Variants in DOCK3 observed in about 807,000 individuals in gnomAD.
DOCK3 encodes the protein dedicator of cytokinesis protein 3.
Under a neutral mutation model 265.6 loss-of-function variants are expected in DOCK3, and 60 were observed. That is an observed-to-expected ratio of 0.23 (90% CI 0.18 to 0.28). DOCK3 has a LOEUF of 0.28. Among genes scored for constraint, DOCK3 ranks in the 10% least tolerant of loss-of-function variants. DOCK3 has a pLI of 1.00. For missense variants in DOCK3, 1,981 were observed against 2,594.3 expected, an observed-to-expected ratio of 0.76 and a Z score of 5.14; for synonymous variants, 881 against 938.0, an observed-to-expected ratio of 0.94 and a Z score of 1.11.
intron 2 of DOCK3, among the ~76,000 whole-genome samples, chr3:50,804,657 C>A (rs1374797386): frequency 6.6e-6 from 1 of 151,814 alleles, no homozygotes; most frequent in Non-Finnish European, 1.5e-5. Flanking sequence ...GAGAATCAGG[C>A]AGGGAGGTTG....
chr3:51,053,918 A>G (rs971110459), intron 5 of DOCK3, among the ~76,000 whole-genome samples: 7 of 151,962 alleles, frequency 4.6e-5, no homozygotes, highest in South Asian at 2.1e-4. Context: ...AAATCTGACT[A>G]TGTTCAAGCA....
In DOCK3 at chr3:50,817,615, A is replaced by G. The variant is rs565103236; in HGVS notation, c.122-24060A>G. On this transcript the variant is annotated intron_variant, in intron 2 of 52. Transcript: ENST00000266037. Reference sequence around the variant, plus strand: ...CCTGACCATATTTTCATTTTCTAAGAGCATTTTCTCACTATCTAAACGTTA... The same window carrying G: ...CCTGACCATATTTTCATTTTCTAAGGGCATTTTCTCACTATCTAAACGTTA... Among the ~76,000 whole-genome samples, 72 of 152,144 alleles carry G rather than the reference A, an allele frequency of 4.7e-4. 2 individuals are homozygous for G. In the South Asian group the frequency reaches 0.015, roughly 31 times the overall value.
intron 5 of DOCK3, among the ~76,000 whole-genome samples, chr3:50,936,373 C>CAA (rs200728402): frequency 2.1e-5 from 3 of 141,616 alleles, no homozygotes; most frequent in Non-Finnish European, 3.1e-5. Flanking sequence ...GATGTGGAGC[C>CAA]AAAAAAAAAT....
rs918920638 is a variant in DOCK3 at position 51,016,666 on chromosome 3, A to G, written c.316-47782A>G. ...ATATTTATATGTTTATATATATTAT[A>G]TGATATATATTTATATATCATATAA... On this transcript the variant is annotated intron_variant, in intron 5 of 52. Transcript: ENST00000266037. 4.2e-5 allele frequency among the ~76,000 whole-genome samples: 4 copies of G among 94,758 alleles called. No individual in the cohort carries two copies. In the South Asian group the frequency reaches 9.0e-4, roughly 21 times the overall value. 62.2% of individuals were successfully genotyped at this position (94,758 alleles called of 152,430 possible). A position where few individuals can be genotyped will look rare whatever the true frequency, so the allele number is the denominator to read the frequency against.
At chr3:51,246,864 A>G (rs538434030) in intron 22 of DOCK3, 57 bp downstream of exon 22, 2 of 1,516,824 alleles carry the variant, frequency 1.3e-6, no homozygotes, top group Non-Finnish European at 1.8e-6. Context: ...ATTTGTGAGT[A>G]ATCTCAGTGA....
chr3:50,905,518 G>C (rs141005318), intron 4 of DOCK3, among the ~76,000 whole-genome samples: 14,363 of 151,982 alleles, frequency 0.095, 851 homozygotes, highest in Non-Finnish European at 0.12. Context: ...TATTCTCTTT[G>C]AAGCAATTGT....
intron 3 of DOCK3, among the ~76,000 whole-genome samples, chr3:50,883,280 T>C (rs1308594649): frequency 6.6e-6 from 1 of 151,792 alleles, no homozygotes; most frequent in Non-Finnish European, 1.5e-5. Context: ...AAAAAGGCCA[T>C]TTTGCTAGAT....
chr3:51,243,649 C>T (rs890116241), intron 21 of DOCK3, among the ~76,000 whole-genome samples: 5 of 152,044 alleles, frequency 3.3e-5, no homozygotes, highest in African/African-American at 9.7e-5. Context: ...ATATTTTTCC[C>T]AGTCACTTGG....
intron 5 of DOCK3, among the ~76,000 whole-genome samples, chr3:51,026,623 T>C (rs976587666): frequency 2.0e-5 from 3 of 152,112 alleles, no homozygotes; most frequent in Non-Finnish European, 4.4e-5. Context: ...AAGGCTTTTG[T>C]TGGTTGCTAG....
Position 50,691,343 on chromosome 3 carries a change from A to T in DOCK3, c.37+16043A>T, listed in dbSNP as rs576771671. On this transcript the variant is annotated intron_variant, in intron 1 of 52. Coordinates refer to ENST00000266037, the MANE Select transcript of DOCK3 (RefSeq NM_004947.5). ...TGTCCTTTTGTGTCTGGCATATTTC[A>T]CTTAGCATGAGGTCTTCAGGGTTTA... Among the ~76,000 whole-genome samples, 8 of 151,350 alleles carry T rather than the reference A, an allele frequency of 5.3e-5. No individual in the cohort carries two copies. In the South Asian group the frequency reaches 1.7e-3, roughly 32 times the overall value.
intron 4 of DOCK3, among the ~76,000 whole-genome samples, chr3:50,912,508 C>T (rs1424087818): frequency 6.6e-6 from 1 of 152,158 alleles, no homozygotes; most frequent in Non-Finnish European, 1.5e-5. Flanking sequence ...CCAGCCAGGC[C>T]TGTGTCCTTC....
intron 4 of DOCK3, among the ~76,000 whole-genome samples, chr3:50,911,016 TC>T (rs1355654563): frequency 6.6e-6 from 1 of 151,918 alleles, no homozygotes; most frequent in African/African-American, 2.4e-5. Flanking sequence ...TTTTGGATTG[TC>T]TTTTTGCTGT....
At chr3:51,372,643 A>G (rs1198723171) in intron 49 of DOCK3, among the ~76,000 whole-genome samples, 3 of 152,190 alleles carry the variant, frequency 2.0e-5, no homozygotes, top group Non-Finnish European at 2.9e-5. Context: ...CCAGGTTCCA[A>G]TCACATGCTT....
chr3:50,917,403 G>A (rs569605423), intron 4 of DOCK3, among the ~76,000 whole-genome samples: 1 of 151,966 alleles, frequency 6.6e-6, no homozygotes. Flanking sequence ...ATTTATCCAG[G>A]TGTCCTATTT....
chr3:50,973,071 T>C (rs1388252953), intron 5 of DOCK3, among the ~76,000 whole-genome samples: 2 of 144,898 alleles, frequency 1.4e-5, no homozygotes, highest in African/African-American at 5.1e-5. Context: ...TTTTTTTTTT[T>C]TTGCAGTTCC....
Position 50,787,663 on chromosome 3 carries a change from G to C in DOCK3, c.121+8905G>C. The C allele has an allele frequency of 4.6e-6, 6 of 1,313,072 alleles. No homozygotes were observed. In the South Asian group the frequency reaches 7.3e-5, roughly 16 times the overall value. 81.3% of individuals were successfully genotyped at this position (1,313,072 alleles called of 1,614,324 possible). On this transcript the variant is annotated intron_variant, in intron 2 of 52. Coordinates refer to ENST00000266037, the MANE Select transcript of DOCK3 (RefSeq NM_004947.5). ...TGCACTCTTCCTGCAACCTCTTGTA[G>C]TTCTGGGAGTAGGGGAAGTGGTAGC...
intron 1 of DOCK3, among the ~76,000 whole-genome samples, chr3:50,704,479 A>G (rs1295460466): frequency 6.6e-6 from 1 of 152,114 alleles, no homozygotes. Flanking sequence ...TATGGTTGTT[A>G]TAGTCTCATT....
At chr3:51,004,126 G>T (rs997669342) in intron 5 of DOCK3, among the ~76,000 whole-genome samples, 11 of 151,884 alleles carry the variant, frequency 7.2e-5, no homozygotes, top group Non-Finnish European at 1.3e-4. Flanking sequence ...AAAATGATGT[G>T]GGTTGTCATC....
chr3:51,148,772 AAT>A, intron 10 of DOCK3, among the ~76,000 whole-genome samples: 2 of 152,148 alleles, frequency 1.3e-5, no homozygotes, highest in African/African-American at 2.4e-5. Flanking sequence ...GAAGTCAGGT[AAT>A]GTGATGCCTC....
Sources: allele counts gnomAD v4.1 joint callset (sites outside exome capture counted in the v4.1 genomes callset), GRCh38; gene constraint gnomAD v4.1.1; transcripts MANE v1.5; gene names NCBI Gene and HGNC (gene_info 2026-07-23, HGNC 2026-07-21).